Variants in PDZD2 observed in about 807,000 individuals in gnomAD.
PDZD2 encodes the protein PDZ domain containing 2, also known as PDZ domain-containing protein 2.
PDZD2 carries 90 observed loss-of-function variants against 220.7 expected under a neutral mutation model. That is an observed-to-expected ratio of 0.41 (90% CI 0.34 to 0.49). The LOEUF is 0.49. Among genes scored for constraint, PDZD2 ranks in the 20% least tolerant of loss-of-function variants. The pLI is 0.28. For synonymous variants in PDZD2, 1,375 were observed against 1,450.5 expected (o/e 0.95, Z 1.18); for missense variants, 3,174 against 3,608.5 (o/e 0.88, Z 3.08).
At chr5:31,853,433 G>A (rs1300376728) in intron 2 of PDZD2, among the ~76,000 whole-genome samples, 1 of 152,300 alleles carries the variant, frequency 6.6e-6, no homozygotes, top group African/African-American at 2.4e-5. Context: ...ACCATGACCT[G>A]ACACTCCTTG....
chr5:32,087,726 C>T lies in PDZD2; in HGVS notation c.4278C>T (p.Asp1426=), dbSNP rs755755621. ...PGGSRESPVT[D]IDSFIKELDA... is the part of the protein sequence containing the mutation. Reference sequence around the variant, plus strand: ...GGAGTAGAGAGAGCCCTGTGACGGACATTGACAGCTTCATCAAGGAGCTGG... The same window carrying T: ...GGAGTAGAGAGAGCCCTGTGACGGATATTGACAGCTTCATCAAGGAGCTGG... Residue 1426 remains aspartate, a synonymous_variant, in exon 20 of 25, where the codon GAC becomes GAT. Coordinates refer to ENST00000438447, the MANE Select transcript of PDZD2 (RefSeq NM_178140.4). This position sits in a 1 kb window ranked among gnomAD's most constrained non-coding sequence, Gnocchi z 4.0. 6.2e-7 allele frequency: 1 copy of T among 1,613,982 alleles called. No homozygotes were observed. Among genetic ancestry groups the T allele is most frequent in the Non-Finnish European group, 8.5e-7 (1 of 1,179,906 alleles).
chr5:31,914,519 C>T (rs1043491197), intron 2 of PDZD2, among the ~76,000 whole-genome samples: 1 of 152,098 alleles, frequency 6.6e-6, no homozygotes, highest in African/African-American at 2.4e-5. Flanking sequence ...CAGAGTGAGA[C>T]TCCATCTCAA....
At chr5:31,898,721 A>G (rs1167931974) in intron 2 of PDZD2, among the ~76,000 whole-genome samples, 1 of 151,168 alleles carries the variant, frequency 6.6e-6, no homozygotes, top group African/African-American at 2.4e-5. Flanking sequence ...TCTGGGGGGC[A>G]GTTTCCTTCA....
At chr5:31,699,428 C>A (rs1747519982) in intron 1 of PDZD2, among the ~76,000 whole-genome samples, 1 of 151,972 alleles carries the variant, frequency 6.6e-6, no homozygotes, top group African/African-American at 2.4e-5. Context: ...AAGACATGGT[C>A]TGGGGAGCTC....
chr5:32,101,936 A>G (rs1744291209), intron 24 of PDZD2, among the ~76,000 whole-genome samples: 1 of 152,210 alleles, frequency 6.6e-6, no homozygotes, highest in Non-Finnish European at 1.5e-5. Flanking sequence ...TCAGAAACCC[A>G]TTTAAAGTTA....
At chr5:31,689,517 AGCAAAACTATGT>A (rs1220607810) in intron 1 of PDZD2, among the ~76,000 whole-genome samples, 1 of 151,358 alleles carries the variant, frequency 6.6e-6, no homozygotes, top group Non-Finnish European at 1.5e-5. Flanking sequence ...TTGCTGTACG[AGCAAAACTATGT>A]GTTAAGTCAA....
chr5:32,094,161 A>G (rs1009685907), intron 21 of PDZD2, among the ~76,000 whole-genome samples: 1 of 151,574 alleles, frequency 6.6e-6, no homozygotes, highest in African/African-American at 2.4e-5. Context: ...GGACCTGTAC[A>G]GTTTGAGCCT....
intron 1 of PDZD2, among the ~76,000 whole-genome samples, chr5:31,717,174 A>T (rs1029424119): frequency 2.4e-4 from 37 of 152,316 alleles, no homozygotes; most frequent in African/African-American, 8.7e-4. Context: ...GACAGCGTGT[A>T]TTGAGTGCCC....
At chr5:31,858,977 A>G (rs1371722073) in intron 2 of PDZD2, among the ~76,000 whole-genome samples, 1 of 152,052 alleles carries the variant, frequency 6.6e-6, no homozygotes, top group African/African-American at 2.4e-5. Context: ...AGCCTCCCAA[A>G]GTGCTGGGAT....
intron 14 of PDZD2, among the ~76,000 whole-genome samples, chr5:32,066,637 C>T (rs1740237513): frequency 1.3e-5 from 2 of 152,228 alleles, no homozygotes; most frequent in African/African-American, 2.4e-5. Context: ...CCTAATTCAT[C>T]CGTCAGCAAT....
At chr5:31,653,854 A>G (rs540914240) in intron 1 of PDZD2, among the ~76,000 whole-genome samples, 103 of 152,146 alleles carry the variant, frequency 6.8e-4, no homozygotes, top group African/African-American at 2.2e-3. Flanking sequence ...GCGCGATCTC[A>G]GCTCACTGCA....
Position 31,995,637 on chromosome 5 carries a change from A to T in PDZD2, c.1040A>T (p.Gln347Leu). 1 of 1,614,108 alleles carries T rather than the reference A, an allele frequency of 6.2e-7. No individual in the cohort carries two copies. Among genetic ancestry groups the T allele is most frequent in the Non-Finnish European group, 8.5e-7 (1 of 1,179,984 alleles). Residue 347 changes from glutamine (Q) to leucine (L), a missense_variant, in exon 4 of 25, where the codon CAG (glutamine) becomes CTG (leucine). By Grantham distance (113) the Gln-to-Leu change is moderately radical (BLOSUM62 -2). Transcript: ENST00000438447. ...AAAGAATCGGATGGGCTGGGAATTCAGGTTAGTGGAGGCCGAGGATCAAAG... is the reference window on the plus strand; with the variant it reads ...AAAGAATCGGATGGGCTGGGAATTCTGGTTAGTGGAGGCCGAGGATCAAAG... ...LLKESDGLGIQVSGGRGSKRS... is the reference protein window; with the variant it reads ...LLKESDGLGILVSGGRGSKRS...
chr5:32,052,814 G>A (rs910906678), intron 9 of PDZD2, 84 bp downstream of exon 9: 11 of 1,466,454 alleles, frequency 7.5e-6, no homozygotes, highest in Non-Finnish European at 9.4e-6. Flanking sequence ...ATTTGTTTTT[G>A]TGTTTTTGTT....
Position 31,995,711 on chromosome 5 carries a change from G to T in PDZD2, c.1114G>T (p.Ala372Ser). 2 of 1,613,246 alleles carry T rather than the reference G, an allele frequency of 1.2e-6. No homozygotes were observed. The highest frequency in any genetic ancestry group is 8.5e-7 in the Non-Finnish European group (1 of 1,179,856). ...CACTCAAGTGAAGGAAGGAGGTGCC[G>T]CTCACAGGTGACTAGATAACTCTCC... ...VVTQVKEGGA[A>S]HRDGRLSLGD... Residue 372 changes from alanine to serine, a missense_variant, in exon 4 of 25, where the codon GCT (alanine) becomes TCT (serine). Physicochemically the swap from Ala to Ser is moderately conservative, Grantham distance 99. Transcript: ENST00000438447.
intron 5 of PDZD2, among the ~76,000 whole-genome samples, chr5:32,002,670 CACACACACACCA>C (rs1346909517): frequency 1.6e-5 from 2 of 125,656 alleles, no homozygotes; most frequent in South Asian, 2.8e-4. Context: ...ACACACACAC[CACACACACACCA>C]ACACACACCA....
chr5:31,954,912 G>T (rs376131622), intron 2 of PDZD2, among the ~76,000 whole-genome samples: 2 of 152,082 alleles, frequency 1.3e-5, no homozygotes, highest in South Asian at 2.1e-4. Context: ...ACTCCAGCCT[G>T]GGGGACAGAG....
chr5:32,096,079 CCATAAGA>C lies in PDZD2; in HGVS notation c.7846-1196_7846-1190del, dbSNP rs1470357023. On this transcript the variant is annotated intron_variant, in intron 21 of 24. Coordinates refer to ENST00000438447, the MANE Select transcript of PDZD2 (RefSeq NM_178140.4). The stretch of plus-strand genomic sequence containing the variant: ...ATTTTCAAATATTGTCTCTTTGCTC[CCATAAGA>C]CATTGAAATATCTGAGAAGTGTTCC... Among the ~76,000 whole-genome samples the C allele has an allele frequency of 6.6e-5, 10 of 152,012 alleles. No individual in the cohort carries two copies. The East Asian group carries it at 1.6e-3, about 24-fold the overall frequency.
chr5:31,906,295 G>A (rs983299473), intron 2 of PDZD2, among the ~76,000 whole-genome samples: 4 of 149,806 alleles, frequency 2.7e-5, no homozygotes, highest in African/African-American at 9.8e-5. Flanking sequence ...TTGTTTTTGA[G>A]ATGGGGTCTC....
At chr5:32,067,292 A>G (rs10065850) in intron 14 of PDZD2, among the ~76,000 whole-genome samples, 29,450 of 152,206 alleles carry the variant, frequency 0.19, 3,250 homozygotes, top group African/African-American at 0.3. Flanking sequence ...TAAGTGGAAG[A>G]AAGTAATAGA....
Sources: gnomAD v4.1 joint callset for allele counts (sites outside exome capture counted in the v4.1 genomes callset) on GRCh38, gnomAD v4.1.1 for gene constraint, Gnocchi (gnomAD v3.1) non-coding constraint, MANE v1.5 for transcripts, NCBI Gene and HGNC (gene_info 2026-07-23, HGNC 2026-07-21) for gene names.